The following OPRM1 variants were observed in gnomAD, a reference collection of about 807,000 sequenced individuals.
The protein encoded by OPRM1 is opioid receptor mu 1, also known as mu-type opioid receptor.
OPRM1 carries 27 observed loss-of-function variants against 31.8 expected under a neutral mutation model. That is an observed-to-expected ratio of 0.85 (90% CI 0.63 to 1.17). The LOEUF is 1.17. Ranked by LOEUF, OPRM1 falls within the 50% of genes most tolerant of loss-of-function variation. The pLI is 0.00. For synonymous variants in OPRM1, 196 were observed against 189.9 expected (o/e 1.03, Z -0.26); for missense variants, 536 against 511.1 (o/e 1.05, Z -0.47).
intron 1 of OPRM1, among the ~76,000 whole-genome samples, chr6:154,049,514 T>G (rs928371110): frequency 1.4e-4 from 21 of 152,276 alleles, no homozygotes; most frequent in Middle Eastern, 3.4e-3. Flanking sequence ...GGGTAAATAT[T>G]AATAGATTTT....
intron 3 of OPRM1, chr6:154,093,630 T>A: frequency 9.0e-7 from 1 of 1,113,868 alleles, no homozygotes; most frequent in Non-Finnish European, 1.2e-6. Flanking sequence ...TCTTCATCGC[T>A]GCCTCTATGA....
intron 3 of OPRM1, among the ~76,000 whole-genome samples, chr6:154,110,932 G>C (rs1350420238): frequency 6.8e-6 from 1 of 146,294 alleles, no homozygotes; most frequent in Non-Finnish European, 1.5e-5. Context: ...ACTCATTTCT[G>C]GGTTTGACTG....
chr6:154,180,409 TATATA>T (rs1490163602), intron 3 of OPRM1, among the ~76,000 whole-genome samples: 748 of 45,844 alleles, frequency 0.016, 13 homozygotes, highest in African/African-American at 0.039. Flanking sequence ...TATATATATA[TATATA>T]TTTTTTTTTT....
chr6:154,115,107 A>G (rs895945837), intron 3 of OPRM1, among the ~76,000 whole-genome samples: 4 of 152,210 alleles, frequency 2.6e-5, no homozygotes, highest in African/African-American at 9.6e-5. Flanking sequence ...TGCCTAGTGG[A>G]TACAGTTACT....
At chr6:154,150,799 T>C (rs1798480808) in intron 3 of OPRM1, among the ~76,000 whole-genome samples, 1 of 152,226 alleles carries the variant, frequency 6.6e-6, no homozygotes. Context: ...GTCACTCTTG[T>C]ACCTGATTTT....
chr6:154,194,572 G>A (rs565333932), intron 3 of OPRM1, among the ~76,000 whole-genome samples: 4 of 151,816 alleles, frequency 2.6e-5, no homozygotes, highest in Admixed American at 6.6e-5. Context: ...CTAAGCTTAC[G>A]TACCTCCAAA....
chr6:154,219,953 A>C (rs1002153524), intron 3 of OPRM1, among the ~76,000 whole-genome samples: 1 of 151,156 alleles, frequency 6.6e-6, no homozygotes, highest in African/African-American at 2.4e-5. Flanking sequence ...GAGTCCTTCT[A>C]GCTGGACAGA....
chr6:154,168,268 G>A lies in OPRM1; in HGVS notation c.1164+76796G>A, dbSNP rs928454551. 3.9e-5 allele frequency among the ~76,000 whole-genome samples: 6 copies of A among 152,158 alleles called. No homozygotes were observed. Among genetic ancestry groups the A allele is most frequent in the Non-Finnish European group, 7.3e-5 (5 of 68,042 alleles). On this transcript the variant is annotated intron_variant, in intron 3 of 3. Coordinates refer to the OPRM1 transcript ENST00000337049. This position sits in a 1 kb window ranked among gnomAD's most constrained non-coding sequence, Gnocchi z 4.1. ...AAGACAATAAATGTTTGCTGTCTAA[G>A]CCACCCAGTTTGCGATACTTTGTTA... is the stretch of plus-strand genomic sequence containing the variant.
chr6:154,152,356 G>GAAAGAAAGAAAGAAAGAAAGAAAGAAAT, intron 3 of OPRM1, among the ~76,000 whole-genome samples: 1 of 142,800 alleles, frequency 7.0e-6, no homozygotes, highest in Middle Eastern at 3.4e-3. Context: ...AGGAAAGAAA[G>GAAAGAAAGAAAGAAAGAAAGAAAGAAAT]AAAGAAAGAA....
rs979061434 is a variant in OPRM1, at chr6:154,093,378, C to T, written c.1164+1906C>T. The T allele has an allele frequency of 6.2e-7, 1 of 1,614,148 alleles. No homozygotes were observed. Among genetic ancestry groups the T allele is most frequent in the Non-Finnish European group, 8.5e-7 (1 of 1,180,020 alleles). ...TGTCAGATATGACCTCCCAGCTATC[C>T]TTCACTCGTCCTGCCTTCGTGGAAA... is the stretch of plus-strand genomic sequence containing the variant. On this transcript the variant is annotated intron_variant, in intron 3 of 3. Coordinates refer to ENST00000330432, the MANE Select transcript of OPRM1 (RefSeq NM_000914.5).
rs200954200 is a variant in OPRM1, at chr6:154,091,167, G to A, written c.859G>A (p.Val287Met). The A allele has an allele frequency of 9.3e-6, 15 of 1,614,100 alleles. No individual in the cohort carries two copies. Among genetic ancestry groups the A allele is most frequent in the African/African-American group, 1.3e-5 (1 of 75,026 alleles). ...AAGGATCACCAGGATGGTGCTGGTG[G>A]TGGTGGCTGTGTTCATCGTCTGCTG... Reference protein sequence around the residue: ...LRRITRMVLVVVAVFIVCWTP... With the variant: ...LRRITRMVLVMVAVFIVCWTP... Residue 287 changes from valine (V) to methionine (M), a missense_variant, in exon 3 of 4, where the codon GTG becomes ATG. Coordinates refer to ENST00000330432, the MANE Select transcript of OPRM1 (RefSeq NM_000914.5).
chr6:154,209,663 T>C (rs1398195571), intron 3 of OPRM1, among the ~76,000 whole-genome samples: 1 of 150,282 alleles, frequency 6.7e-6, no homozygotes, highest in African/African-American at 2.4e-5. Flanking sequence ...AAAAAAAAAG[T>C]TACTATATAT....
chr6:154,164,398 A>G (rs1182238622), intron 3 of OPRM1, among the ~76,000 whole-genome samples: 1 of 152,210 alleles, frequency 6.6e-6, no homozygotes, highest in Non-Finnish European at 1.5e-5. Flanking sequence ...AATGTAGACA[A>G]TAATACAGAA....
At position 154,039,455 on chromosome 6, in the gene OPRM1, C is replaced by A; in HGVS notation, c.-90C>A. ...GAAACAGCAGGAGCTGTGGCAGCGG[C>A]GAAAGGAAGCGGCTGAGGCGCTTGG... is the stretch of plus-strand genomic sequence containing the variant. On this transcript the variant is annotated 5_prime_UTR_variant, in exon 1 of 4. Transcript: ENST00000330432. 1 of 1,552,374 alleles carries A rather than the reference C, an allele frequency of 6.4e-7. No homozygotes were observed. Among genetic ancestry groups the A allele is most frequent in the South Asian group, 1.2e-5 (1 of 84,096 alleles).
chr6:154,114,444 GAGAGAA>G (rs1282091084), intron 3 of OPRM1, among the ~76,000 whole-genome samples: 1 of 149,066 alleles, frequency 6.7e-6, no homozygotes, highest in East Asian at 1.9e-4. Flanking sequence ...AAAAAAAAAA[GAGAGAA>G]AGAGAAAGAG....
At chr6:154,218,723 AATG>A (rs779517343) in intron 3 of OPRM1, among the ~76,000 whole-genome samples, 4 of 152,212 alleles carry the variant, frequency 2.6e-5, no homozygotes, top group Non-Finnish European at 5.9e-5. Context: ...GAAACTCTAT[AATG>A]ATATTATAAA....
chr6:154,115,626 G>C (rs924748981), intron 3 of OPRM1, among the ~76,000 whole-genome samples: 1 of 152,202 alleles, frequency 6.6e-6, no homozygotes, highest in East Asian at 1.9e-4. Flanking sequence ...CAGGTGTAAT[G>C]CCTCTGATTC....
At chr6:154,185,095 T>C (rs1156423335) in intron 3 of OPRM1, among the ~76,000 whole-genome samples, 1 of 152,166 alleles carries the variant, frequency 6.6e-6, no homozygotes, top group Non-Finnish European at 1.5e-5. Flanking sequence ...AGTTAAAAAA[T>C]ATATCCATTG....
chr6:154,087,582 G>A (rs1790911063), intron 1 of OPRM1: 1 of 985,366 alleles, frequency 1.0e-6, no homozygotes, highest in South Asian at 4.7e-5. Flanking sequence ...CTCAGGTGTG[G>A]GTCCTGCAGG....
Sources: gnomAD v4.1 joint callset for allele counts (sites outside exome capture counted in the v4.1 genomes callset) on GRCh38, gnomAD v4.1.1 for gene constraint, Gnocchi (gnomAD v3.1) non-coding constraint, MANE v1.5 for transcripts, NCBI Gene and HGNC (gene_info 2026-07-23, HGNC 2026-07-21) for gene names.